The following CFAP73 variants were observed in gnomAD, a reference collection of about 807,000 sequenced individuals.
CFAP73 encodes the protein cilia and flagella associated protein 73, also known as cilia- and flagella-associated protein 73.
In CFAP73, 33 loss-of-function variants were observed where a neutral mutation model predicts 42.9. The observed-to-expected ratio is 0.77, with a 90% CI of 0.58 to 1.03. The LOEUF (loss-of-function observed/expected upper bound fraction) is 1.03. CFAP73 is among the 50% of genes least tolerant of loss of function. The probability of loss-of-function intolerance (pLI) is 0.00; values close to 1 mark genes in which losing one functional copy is unlikely to be tolerated. For missense variants in CFAP73, 392 were observed against 411.9 expected, an observed-to-expected ratio of 0.95 and a Z score of 0.42; for synonymous variants, 162 against 186.8, an observed-to-expected ratio of 0.87 and a Z score of 1.08.
chr12:113,150,817 A>G (rs183031222), intron 1 of CFAP73, among the ~76,000 whole-genome samples: 2 of 151,658 alleles, frequency 1.3e-5, no homozygotes, highest in African/African-American at 2.4e-5. Flanking sequence ...CCTGCTCCCA[A>G]TTCCCATCTT....
At position 113,158,843 on chromosome 12, in the gene CFAP73, C is replaced by T. The variant is rs773970806; in HGVS notation, c.*154C>T. The T allele has an allele frequency of 1.9e-6, 3 of 1,558,850 alleles. No individual in the cohort carries two copies. Among genetic ancestry groups the T allele is most frequent in the Non-Finnish European group, 2.6e-6 (3 of 1,147,022 alleles). ...ACGTCTGCTGATGCCCACCCTAAGG[C>T]CAATCAAGGAGCCACGGGGCTGGGT... On this transcript the variant is annotated 3_prime_UTR_variant, in exon 8 of 8. Coordinates refer to ENST00000335621, the MANE Select transcript of CFAP73 (RefSeq NM_001144872.3). This position sits in a 1 kb window ranked among gnomAD's most constrained non-coding sequence, Gnocchi z 4.9.
Position 113,158,733 on chromosome 12 carries a change from C to A in CFAP73, c.*44C>A. On this transcript the variant is annotated 3_prime_UTR_variant, in exon 8 of 8. Transcript: ENST00000335621. This position sits in a 1 kb window ranked among gnomAD's most constrained non-coding sequence, Gnocchi z 4.9. ...CAGCTGCTGCCCTTCTGTGGCCATA[C>A]AGTGCTCCTTTTCACAGATGATGGC... is the stretch of plus-strand genomic sequence containing the variant. The A allele has an allele frequency of 1.1e-6, 1 of 886,836 alleles. No homozygotes were observed. Among genetic ancestry groups the A allele is most frequent in the South Asian group, 2.0e-5 (1 of 50,632 alleles). The allele number at this position is 886,836 out of a possible 1,614,324, so 54.9% of individuals were successfully genotyped here.
chr12:113,155,540 C>A, intron 6 of CFAP73, 122 bp downstream of exon 6: 1 of 1,096,314 alleles, frequency 9.1e-7, no homozygotes, highest in Non-Finnish European at 1.2e-6. Context: ...ACGGTCAGAG[C>A]CCTTGCCCCA....
chr12:113,155,471 A>G, intron 6 of CFAP73, 53 bp downstream of exon 6: 1 of 1,494,424 alleles, frequency 6.7e-7, no homozygotes, highest in Non-Finnish European at 9.0e-7. Context: ...CCTCTTTGGA[A>G]AAATGAGCCT....
At chr12:113,150,271 G>A (rs1952050333) in intron 1 of CFAP73, among the ~76,000 whole-genome samples, 1 of 152,182 alleles carries the variant, frequency 6.6e-6, no homozygotes, top group Non-Finnish European at 1.5e-5. Context: ...CAGCAGCATG[G>A]CCTCAAGTCC....
At chr12:113,157,938 G>A (rs1006683189) in intron 7 of CFAP73, 1 of 545,306 alleles carries the variant, frequency 1.8e-6, no homozygotes, top group African/African-American at 1.9e-5. Context: ...CCTCTAAAAT[G>A]AGATCAGACC....
chr12:113,152,854 G>A lies in CFAP73; in HGVS notation c.234G>A (p.Lys78=). 1 of 1,551,692 alleles carries A rather than the reference G, an allele frequency of 6.4e-7. No individual in the cohort carries two copies. The highest frequency in any genetic ancestry group is 8.7e-7 in the Non-Finnish European group (1 of 1,146,976). The change falls in exon 3 of 8, where the codon AAG becomes AAA. Residue 78 remains lysine, a synonymous_variant. Transcript: ENST00000335621. The part of the protein sequence containing the change: ...EQLEQKEREL[K]GSFIRFDKFL... Reference sequence around the variant, plus strand: ...TGGAACAAAAGGAGCGGGAGCTAAAGGGATCGTTCATCCGCTTTGACAAGT... The same window carrying A: ...TGGAACAAAAGGAGCGGGAGCTAAAAGGATCGTTCATCCGCTTTGACAAGT...
At chr12:113,150,034 C>A (rs1952048460) in intron 1 of CFAP73, 121 bp downstream of exon 1, 1 of 894,732 alleles carries the variant, frequency 1.1e-6, no homozygotes, top group Non-Finnish European at 1.8e-6. Context: ...GGGTTATTGT[C>A]CCCACTTCAC....
At chr12:113,153,040 T>TAAA in intron 3 of CFAP73, 153 bp downstream of exon 3, 45 of 698,452 alleles carry the variant, frequency 6.4e-5, no homozygotes, top group South Asian at 6.6e-5. Flanking sequence ...AGCAACCGAT[T>TAAA]AAAAAAAAAA....
At chr12:113,150,461 G>T (rs985536216) in intron 1 of CFAP73, among the ~76,000 whole-genome samples, 3 of 152,108 alleles carry the variant, frequency 2.0e-5, no homozygotes, top group African/African-American at 7.2e-5. Flanking sequence ...GGCATCTCGG[G>T]CTTGGCCGTA....
chr12:113,152,034 A>T lies in CFAP73; in HGVS notation c.162+11A>T. 2.6e-6 allele frequency: 4 copies of T among 1,541,878 alleles called. No individual in the cohort carries two copies. The highest frequency in any genetic ancestry group is 3.5e-6 in the Non-Finnish European group (4 of 1,138,558). On this transcript the variant is annotated intron_variant, in intron 2 of 7. Coordinates refer to ENST00000335621, the MANE Select transcript of CFAP73 (RefSeq NM_001144872.3). ...CAGGCCCAGAAGGAGGTGAGCCCCC[A>T]CTACTGTAACGAGGTGGTGAGCTGG...
chr12:113,158,964 G>T lies in CFAP73; in HGVS notation c.*275G>T. The T allele has an allele frequency of 4.3e-6, 7 of 1,611,440 alleles. No homozygotes were observed. The highest frequency in any genetic ancestry group is 5.9e-6 in the Non-Finnish European group (7 of 1,179,088). On this transcript the variant is annotated 3_prime_UTR_variant, in exon 8 of 8. Coordinates refer to ENST00000335621, the MANE Select transcript of CFAP73 (RefSeq NM_001144872.3). The surrounding 1 kb of genome is among the most constrained non-coding windows in gnomAD (Gnocchi z 4.9). Reference sequence around the variant, plus strand: ...GCAGCTCCTGGACGCGGCGGCGGTTGCGGGCAGAGAGCTGCTTGAGGCCAC... The same window carrying T: ...GCAGCTCCTGGACGCGGCGGCGGTTTCGGGCAGAGAGCTGCTTGAGGCCAC...
At position 113,154,748 on chromosome 12, in the gene CFAP73, CG is replaced by C; in HGVS notation, c.690+114del. 1 of 1,344,962 alleles carries C rather than the reference CG, an allele frequency of 7.4e-7. No homozygotes were observed. The highest frequency in any genetic ancestry group is 2.0e-5 in the South Asian group (1 of 50,828). The allele number at this position is 1,344,962 out of a possible 1,614,324, so 83.3% of individuals were successfully genotyped here. On this transcript the variant is annotated intron_variant, in intron 5 of 7. Transcript: ENST00000335621. The surrounding 1 kb of genome is among the most constrained non-coding windows in gnomAD (Gnocchi z 4.7). Reference sequence around the variant, plus strand: ...GGGGCAATGCTTACCCCAGAGGGTCCGCTGCACTAAGGAGGGGAATCTCAGG... The same window carrying C: ...GGGGCAATGCTTACCCCAGAGGGTCCCTGCACTAAGGAGGGGAATCTCAGG...
intron 1 of CFAP73, among the ~76,000 whole-genome samples, chr12:113,151,185 A>G (rs573993877): frequency 3.3e-5 from 5 of 152,302 alleles, no homozygotes; most frequent in East Asian, 1.9e-4. Context: ...AATTTGTTCA[A>G]TGAATAAAGA....
chr12:113,158,652 C>T lies in CFAP73; in HGVS notation c.*12-49C>T, dbSNP rs1952166030. 6 of 512,414 alleles carry T rather than the reference C, an allele frequency of 1.2e-5. No individual in the cohort carries two copies. Among genetic ancestry groups the T allele is most frequent in the Admixed American group, 4.1e-5 (1 of 24,372 alleles). 31.7% of individuals were successfully genotyped at this position (512,414 alleles called of 1,614,324 possible). On this transcript the variant is annotated intron_variant, in intron 7 of 7. Coordinates refer to ENST00000335621, the MANE Select transcript of CFAP73 (RefSeq NM_001144872.3). The surrounding 1 kb of genome is among the most constrained non-coding windows in gnomAD (Gnocchi z 4.9). ...GTCTTGGCCTGCCTGGCTTTGCTGG[C>T]GAACTCCTGCACACCCTTCAAGGCC...
Position 113,150,026 on chromosome 12 carries a change from GT to G in CFAP73, c.56+115del, listed in dbSNP as rs2136303862. ...TGGCTTTGGGCAGATCATAGTGGGG[GT>G]TATTGTCCCCACTTCACAGAGGAGG... On this transcript the variant is annotated intron_variant, in intron 1 of 7. Coordinates refer to ENST00000335621, the MANE Select transcript of CFAP73 (RefSeq NM_001144872.3). The G allele has an allele frequency of 5.1e-6, 5 of 975,444 alleles. No homozygotes were observed. The South Asian group carries it at 7.3e-5, about 14-fold the overall frequency. 60.4% of individuals were successfully genotyped at this position (975,444 alleles called of 1,614,324 possible). A position where few individuals can be genotyped will look rare whatever the true frequency, so the allele number is the denominator to read the frequency against.
At position 113,152,855 on chromosome 12, in the gene CFAP73, G is replaced by A. The variant is rs1952077023; in HGVS notation, c.235G>A (p.Gly79Arg). 6.4e-7 allele frequency: 1 copy of A among 1,551,676 alleles called. No individual in the cohort carries two copies. Among genetic ancestry groups the A allele is most frequent in the Non-Finnish European group, 8.7e-7 (1 of 1,146,968 alleles). The part of the protein sequence containing the change: ...QLEQKERELK[G>R]SFIRFDKFLQ... ...GGAACAAAAGGAGCGGGAGCTAAAGGGATCGTTCATCCGCTTTGACAAGTT... is the reference window on the plus strand; with the variant it reads ...GGAACAAAAGGAGCGGGAGCTAAAGAGATCGTTCATCCGCTTTGACAAGTT... Residue 79 changes from glycine (G) to arginine (R), a missense_variant, in exon 3 of 8, where the codon GGA (glycine) becomes AGA (arginine). Coordinates refer to ENST00000335621, the MANE Select transcript of CFAP73 (RefSeq NM_001144872.3).
intron 1 of CFAP73, among the ~76,000 whole-genome samples, chr12:113,150,930 G>A (rs1952056396): frequency 6.6e-6 from 1 of 152,020 alleles, no homozygotes. Flanking sequence ...TCTCCTCCAG[G>A]TCTCTGCTCA....
rs1952100079 is a variant in CFAP73, at chr12:113,154,642, C to A, written c.690+7C>A. 4.3e-6 allele frequency: 6 copies of A among 1,394,700 alleles called. No individual in the cohort carries two copies. The South Asian group carries it at 9.8e-5, about 23-fold the overall frequency. 86.4% of individuals were successfully genotyped at this position (1,394,700 alleles called of 1,614,324 possible). A position where few individuals can be genotyped will look rare whatever the true frequency, so the allele number is the denominator to read the frequency against. ...GGAGCGTACGCTGCAGTGGGTACGA[C>A]CCGCCCTAGGTGGGGGGCGCTCCGG... On this transcript the variant is annotated splice_region_variant and intron_variant, in intron 5 of 7. Coordinates refer to ENST00000335621, the MANE Select transcript of CFAP73 (RefSeq NM_001144872.3). The surrounding 1 kb of genome is among the most constrained non-coding windows in gnomAD (Gnocchi z 4.7).
Sources: allele counts gnomAD v4.1 joint callset (sites outside exome capture counted in the v4.1 genomes callset), GRCh38; gene constraint gnomAD v4.1.1; non-coding constraint Gnocchi (gnomAD v3.1); transcripts MANE v1.5; gene names NCBI Gene and HGNC (gene_info 2026-07-23, HGNC 2026-07-21).